The following STK25 variants were observed in gnomAD, a reference collection of about 807,000 sequenced individuals.
The protein encoded by STK25 is serine/threonine kinase 25.
Under a neutral mutation model 53.8 loss-of-function variants are expected in STK25, and 29 were observed. That is an observed-to-expected ratio of 0.54 (90% CI 0.40 to 0.74). The LOEUF (loss-of-function observed/expected upper bound fraction) is 0.74. Among genes scored for constraint, STK25 ranks in the 30% least tolerant of loss-of-function variants. The pLI, the probability that STK25 is intolerant of heterozygous loss-of-function variation, is 0.00. For synonymous variants in STK25, 247 were observed against 238.3 expected (o/e 1.04, Z -0.33); for missense variants, 420 against 568.0 (o/e 0.74, Z 2.65).
intron 2 of STK25, among the ~76,000 whole-genome samples, chr2:241,502,493 T>C (rs1177761564): frequency 6.6e-6 from 1 of 152,094 alleles, no homozygotes; most frequent in African/African-American, 2.4e-5. Flanking sequence ...ATCCCAGCAC[T>C]CTGGGAGGCC....
Position 241,495,714 on chromosome 2 carries a change from G to C in STK25, c.1242-13C>G, listed in dbSNP as rs951159454. On this transcript the variant is annotated splice_polypyrimidine_tract_variant and intron_variant, in intron 11 of 11. Coordinates refer to ENST00000316586, the MANE Select transcript of STK25 (RefSeq NM_001271977.2). The stretch of plus-strand genomic sequence containing the variant: ...GTTGTGTGAAAACCTGCAGAGAGAA[G>C]AGCCCACTGCTGCGTGCGTGCACCT... 1.9e-6 allele frequency: 3 copies of C among 1,613,980 alleles called. No individual in the cohort carries two copies. The highest frequency in any genetic ancestry group is 1.7e-5 in the Admixed American group (1 of 60,024).
chr2:241,507,268 C>T (rs1165530494), intron 2 of STK25, among the ~76,000 whole-genome samples: 1 of 152,216 alleles, frequency 6.6e-6, no homozygotes, highest in African/African-American at 2.4e-5. Flanking sequence ...ACCCTCCTTC[C>T]CCGGCAAGCC....
rs2065038103 is a variant in STK25 at position 241,494,107 on chromosome 2, CAG to C, written c.*1553_*1554del. On this transcript the variant is annotated 3_prime_UTR_variant, in exon 12 of 12. Transcript: ENST00000316586. The surrounding 1 kb of genome is among the most constrained non-coding windows in gnomAD (Gnocchi z 4.9). ...CCTCCTCAGGGCTGGAGGGGATGGT[CAG>C]GGGGAAGGAGGAATGACGCTCAACC... is the stretch of plus-strand genomic sequence containing the variant. 2.0e-6 allele frequency: 3 copies of C among 1,477,060 alleles called. No homozygotes were observed. Among genetic ancestry groups the C allele is most frequent in the African/African-American group, 1.5e-5 (1 of 67,532 alleles). The allele number at this position is 1,477,060 out of a possible 1,614,324, so 91.5% of individuals were successfully genotyped here.
At chr2:241,499,925 T>G (rs2065405359) in intron 5 of STK25, 1 of 602,240 alleles carries the variant, frequency 1.7e-6, no homozygotes, top group African/African-American at 1.8e-5. Flanking sequence ...AACCAACAAC[T>G]CCAGCCAAGT....
At position 241,501,331 on chromosome 2, in the gene STK25, C is replaced by A; in HGVS notation, c.261+147G>T. On this transcript the variant is annotated intron_variant, in intron 3 of 11. Coordinates refer to ENST00000316586, the MANE Select transcript of STK25 (RefSeq NM_001271977.2). This position sits in a 1 kb window ranked among gnomAD's most constrained non-coding sequence, Gnocchi z 5.3. ...TGACCCTCGTGGACGAGGGCTCACA[C>A]CCTGCCTGCCCAGGGCAGTTTCCCG... 1 of 792,994 alleles carries A rather than the reference C, an allele frequency of 1.3e-6. No homozygotes were observed. The highest frequency in any genetic ancestry group is 1.6e-5 in the South Asian group (1 of 64,096). 49.1% of individuals were successfully genotyped at this position (792,994 alleles called of 1,614,324 possible). A position where few individuals can be genotyped will look rare whatever the true frequency, so the allele number is the denominator to read the frequency against.
In STK25 at chr2:241,499,118, T is replaced by C; in HGVS notation, c.642A>G (p.Pro214=). The change falls in exon 7 of 12, where the codon CCA becomes CCG. Residue 214 remains proline, a synonymous_variant. Transcript: ENST00000316586. The stretch of plus-strand genomic sequence containing the variant: ...CGCGCATGGGGTGGAGGTCAGAGTT[T>C]GGAGGCTCCCCCTTGGCCAGCTCGA... ...TAIELAKGEP[P]NSDLHPMRVL... The C allele has an allele frequency of 4.3e-6, 7 of 1,613,958 alleles. No individual in the cohort carries two copies. The highest frequency in any genetic ancestry group is 5.9e-6 in the Non-Finnish European group (7 of 1,179,934).
rs765855970 is a variant in STK25 at position 241,498,994 on chromosome 2, G to A, written c.766C>T (p.Arg256Ter). 3.7e-6 allele frequency: 6 copies of A among 1,613,642 alleles called. No individual in the cohort carries two copies. Among genetic ancestry groups the A allele is most frequent in the Non-Finnish European group, 2.5e-6 (3 of 1,179,830 alleles). The change falls in exon 7 of 12, where the codon CGA (arginine) becomes TGA (stop). Residue 256 changes from arginine (R) to a stop codon, truncating the protein, a stop_gained. Coordinates refer to ENST00000316586, the MANE Select transcript of STK25 (RefSeq NM_001271977.2). LOFTEE classifies it high-confidence loss of function. ...FVEACLNKDP[R>*]FRPTAKELLK... ...GGGCCAGAGGCGGGCCTTACGAATC[G>A]GGGGTCTTTGTTGAGGCAGGCCTCC...
intron 2 of STK25, among the ~76,000 whole-genome samples, chr2:241,506,153 G>A (rs767789992): frequency 2.6e-5 from 4 of 152,228 alleles, no homozygotes; most frequent in Non-Finnish European, 4.4e-5. Context: ...CAGGCTATGG[G>A]GGGAACGCGC....
In STK25 at chr2:241,508,115, C is replaced by A; in HGVS notation, c.-80G>T. On this transcript the variant is annotated 5_prime_UTR_variant, in exon 2 of 12. Coordinates refer to ENST00000316586, the MANE Select transcript of STK25 (RefSeq NM_001271977.2). ...CGGAGAGGCGCGGAGCCGGCTAGCT[C>A]GCCCCTGCGGCGTCAGTCCACTGCG... The A allele has an allele frequency of 6.5e-7, 1 of 1,536,856 alleles. No individual in the cohort carries two copies. The highest frequency in any genetic ancestry group is 1.2e-5 in the South Asian group (1 of 81,556).
chr2:241,494,093 CTGGAGGGGA>C lies in STK25; in HGVS notation c.*1560_*1568del. ...GGATGGCCCCCAACCCTCCTCAGGG[CTGGAGGGGA>C]TGGTCAGGGGGAAGGAGGAATGACG... is the stretch of plus-strand genomic sequence containing the variant. On this transcript the variant is annotated 3_prime_UTR_variant, in exon 12 of 12. Coordinates refer to ENST00000316586, the MANE Select transcript of STK25 (RefSeq NM_001271977.2). The surrounding 1 kb of genome is among the most constrained non-coding windows in gnomAD (Gnocchi z 4.9). 1.4e-6 allele frequency: 2 copies of C among 1,470,026 alleles called. No homozygotes were observed. The highest frequency in any genetic ancestry group is 1.8e-6 in the Non-Finnish European group (2 of 1,118,334). The allele number at this position is 1,470,026 out of a possible 1,614,324, so 91.1% of individuals were successfully genotyped here.
In STK25 at chr2:241,496,681, G is replaced by A. The variant is rs1271838811; in HGVS notation, c.1105-147C>T. ...GGAGCCCTTCAGCAAGCCGGGAAGT[G>A]AGGTGGCCCAAGGAAGCCTCTGCCC... On this transcript the variant is annotated intron_variant, in intron 10 of 11. Coordinates refer to ENST00000316586, the MANE Select transcript of STK25 (RefSeq NM_001271977.2). This position sits in a 1 kb window ranked among gnomAD's most constrained non-coding sequence, Gnocchi z 5.8. 6 of 887,122 alleles carry A rather than the reference G, an allele frequency of 6.8e-6. No homozygotes were observed. The highest frequency in any genetic ancestry group is 8.3e-6 in the Non-Finnish European group (5 of 600,186). 55.0% of individuals were successfully genotyped at this position (887,122 alleles called of 1,614,324 possible). A position where few individuals can be genotyped will look rare whatever the true frequency, so the allele number is the denominator to read the frequency against.
intron 2 of STK25, among the ~76,000 whole-genome samples, chr2:241,502,687 C>T (rs1012144703): frequency 6.6e-6 from 1 of 151,702 alleles, no homozygotes; most frequent in African/African-American, 2.4e-5. Flanking sequence ...TGCGGTGAGC[C>T]GAGATCGCAC....
chr2:241,495,902 C>T (rs1034788025), intron 11 of STK25, among the ~76,000 whole-genome samples: 5 of 152,212 alleles, frequency 3.3e-5, no homozygotes, highest in Non-Finnish European at 7.3e-5. Flanking sequence ...CCAGGGGCGC[C>T]GGGAAGGGGT....
rs2065288826 is a variant in STK25 at position 241,498,235 on chromosome 2, C to A, written c.1032G>T (p.Lys344Asn). The change falls in exon 9 of 12, where the codon AAG becomes AAT. Residue 344 changes from lysine (K) to asparagine (N), a missense_variant and splice_region_variant. Lys to Asn is a moderately conservative substitution (Grantham distance 94, BLOSUM62 0). Transcript: ENST00000316586. ...HKGTALHSSQKPAEPVKRQPR... is the reference protein window; with the variant it reads ...HKGTALHSSQNPAEPVKRQPR... ...GGCAAAGGCCAGGCCAGGAACAGACCTTCTGTGAACTGTGCAGGGCCGTCC... is the reference window on the plus strand; with the variant it reads ...GGCAAAGGCCAGGCCAGGAACAGACATTCTGTGAACTGTGCAGGGCCGTCC... The A allele has an allele frequency of 6.2e-7, 1 of 1,613,098 alleles. No individual in the cohort carries two copies. The highest frequency in any genetic ancestry group is 1.7e-5 in the Admixed American group (1 of 59,986).
In STK25 at chr2:241,493,193, TG is replaced by T; in HGVS notation, c.*2468del. ...CAGGGAAACTGGCTCCCTTGGCCCGTGGGCATTTGTACGTGCCACCGTTGTG... is the reference window on the plus strand; with the variant it reads ...CAGGGAAACTGGCTCCCTTGGCCCGTGGCATTTGTACGTGCCACCGTTGTG... On this transcript the variant is annotated 3_prime_UTR_variant, in exon 12 of 12. Coordinates refer to ENST00000316586, the MANE Select transcript of STK25 (RefSeq NM_001271977.2). 7.2e-7 allele frequency: 1 copy of T among 1,389,324 alleles called. No individual in the cohort carries two copies. Among genetic ancestry groups the T allele is most frequent in the Non-Finnish European group, 1.0e-6 (1 of 991,270 alleles). 86.1% of individuals were successfully genotyped at this position (1,389,324 alleles called of 1,614,324 possible).
Position 241,498,741 on chromosome 2 carries a change from CGT to C in STK25, c.813_814del (p.Arg272LeufsTer16). 2 of 1,614,166 alleles carry C rather than the reference CGT, an allele frequency of 1.2e-6. No homozygotes were observed. The highest frequency in any genetic ancestry group is 8.5e-7 in the Non-Finnish European group (1 of 1,180,034). On this transcript the variant is annotated frameshift_variant, in exon 8 of 12. Transcript: ENST00000316586. LOFTEE classifies it high-confidence loss of function. ...GAGGAAGGAGGTCTTCTTGGTGTAG[CGT>C]GTGATGAACTTGTGCTTCAGGAGCT...
intron 1 of STK25, 153 bp from the exon 2 acceptor site, chr2:241,508,288 G>C: frequency 7.9e-7 from 1 of 1,267,326 alleles, no homozygotes. Context: ...GCTCCCGGGG[G>C]CTCGCCGCCC....
In STK25 at chr2:241,493,941, G is replaced by A. The variant is rs562321735; in HGVS notation, c.*1721C>T. 2.0e-5 allele frequency: 20 copies of A among 1,009,894 alleles called. No homozygotes were observed. In the East Asian group the frequency reaches 5.4e-4, roughly 27 times the overall value. The allele number at this position is 1,009,894 out of a possible 1,614,324, so 62.6% of individuals were successfully genotyped here. On this transcript the variant is annotated 3_prime_UTR_variant, in exon 12 of 12. Coordinates refer to ENST00000316586, the MANE Select transcript of STK25 (RefSeq NM_001271977.2). ...TTTGTCCTGCTTGTCCCATATCCTGGGTTGTTCTTGGGACAGTGTCTGAGC... is the reference window on the plus strand; with the variant it reads ...TTTGTCCTGCTTGTCCCATATCCTGAGTTGTTCTTGGGACAGTGTCTGAGC...
At position 241,493,004 on chromosome 2, in the gene STK25, A is replaced by AACTT. The variant is rs747951368; in HGVS notation, c.*2654_*2657dup. The AACTT allele has an allele frequency of 2.5e-6, 4 of 1,609,710 alleles. No individual in the cohort carries two copies. The East Asian group carries it at 6.7e-5, about 27-fold the overall frequency. On this transcript the variant is annotated 3_prime_UTR_variant, in exon 12 of 12. Transcript: ENST00000316586. ...GCAGAAGCTCTGGGTCGTCTTTACCAACTTCTGTTTGTTCTTCTACAAAAC... is the reference window on the plus strand; with the variant it reads ...GCAGAAGCTCTGGGTCGTCTTTACCAACTTACTTCTGTTTGTTCTTCTACAAAAC...
Sources: gnomAD v4.1 joint callset for allele counts (sites outside exome capture counted in the v4.1 genomes callset) on GRCh38, gnomAD v4.1.1 for gene constraint, Gnocchi (gnomAD v3.1) non-coding constraint, MANE v1.5 for transcripts, NCBI Gene and HGNC (gene_info 2026-07-23, HGNC 2026-07-21) for gene names.